The following PKD1L3 variants were observed in gnomAD, a reference collection of about 807,000 sequenced individuals.
PKD1L3 encodes the protein polycystin-1-like protein 3.
PKD1L3 carries 239 observed loss-of-function variants against 184.1 expected under a neutral mutation model. The ratio of observed to expected loss-of-function variants is 1.30; its 90% CI spans 1.17 to 1.45. The LOEUF (loss-of-function observed/expected upper bound fraction) is 1.45, where lower values mean the gene tolerates loss of function less well. Among genes scored for constraint, PKD1L3 ranks in the 40% most tolerant of loss-of-function variants. The pLI is 0.00. For synonymous variants in PKD1L3, 996 were observed against 778.8 expected, an observed-to-expected ratio of 1.28 and a Z score of -4.64; for missense variants, 2,660 against 2,067.2, an observed-to-expected ratio of 1.29 and a Z score of -5.56.
At position 71,977,084 on chromosome 16, in the gene PKD1L3, G is replaced by A. The variant is rs1222197479; in HGVS notation, c.1759+152C>T. 1.1e-4 allele frequency among the ~76,000 whole-genome samples: 16 copies of A among 152,264 alleles called. No homozygotes were observed. In the East Asian group the frequency reaches 2.1e-3, roughly 20 times the overall value. On this transcript the variant is annotated intron_variant, in intron 11 of 29. Transcript: ENST00000620267. ...AGAAATTAGCCAGATGTGGTGGTGC[G>A]CACTTGTAGTCCCAGCTACTTAAGA...
Position 71,950,187 on chromosome 16 carries a change from G to A in PKD1L3, c.3314C>T (p.Ala1105Val). The A allele has an allele frequency of 6.4e-7, 1 of 1,552,290 alleles. No individual in the cohort carries two copies. Among genetic ancestry groups the A allele is most frequent in the Non-Finnish European group, 8.7e-7 (1 of 1,147,114 alleles). ...GHQSCDFLDA[A>V]SQLQKLQELL... Reference sequence around the variant, plus strand: ...TTCCTGGAGTTTTTGAAGTTGGCTGGCTGCATCTAGGAAGTCACAGGACTG... The same window carrying A: ...TTCCTGGAGTTTTTGAAGTTGGCTGACTGCATCTAGGAAGTCACAGGACTG... The change falls in exon 20 of 30, where the codon GCC becomes GTC. Residue 1105 changes from alanine to valine, a missense_variant. By Grantham distance (64) the Ala-to-Val change is moderately conservative (BLOSUM62 0). Coordinates refer to ENST00000620267, the MANE Select transcript of PKD1L3 (RefSeq NM_181536.2).
intron 15 of PKD1L3, among the ~76,000 whole-genome samples, chr16:71,965,388 T>G (rs1280685120): frequency 6.6e-6 from 1 of 152,132 alleles, no homozygotes. Flanking sequence ...TTATCTTGGG[T>G]AAATACCTAT....
chr16:71,965,968 A>C (rs1225789148), intron 15 of PKD1L3, among the ~76,000 whole-genome samples: 3 of 151,806 alleles, frequency 2.0e-5, no homozygotes, highest in Non-Finnish European at 4.4e-5. Context: ...TACATTATTC[A>C]CTTTTTTAAA....
rs1168992614 is a variant in PKD1L3 at position 71,999,769 on chromosome 16, GATGAGATCTTGAACTTCCTTGTTCCAAAT to G, written c.181_209del (p.Ile61ProfsTer71). On this transcript the variant is annotated frameshift_variant, in exon 1 of 30. Transcript: ENST00000620267. LOFTEE classifies it high-confidence loss of function. ...TCTTTCCTTCTTCCAGATAGTCCCG[GATGAGATCTTGAACTTCCTTGTTCCAAAT>G]ATGAGCTAGGAATCCTCTCTGCACA... is the stretch of plus-strand genomic sequence containing the variant. The G allele has an allele frequency of 3.9e-6, 6 of 1,551,740 alleles. No homozygotes were observed. In the East Asian group the frequency reaches 1.5e-4, roughly 38 times the overall value.
chr16:71,950,896 C>A (rs556548998), intron 19 of PKD1L3, among the ~76,000 whole-genome samples: 1 of 151,100 alleles, frequency 6.6e-6, no homozygotes, highest in African/African-American at 2.4e-5. Context: ...CCATGACCAG[C>A]TAATTTTTTT....
At chr16:71,998,557 T>G (rs1284120278) in intron 1 of PKD1L3, among the ~76,000 whole-genome samples, 163 bp from the exon 2 acceptor site, 2 of 152,118 alleles carry the variant, frequency 1.3e-5, no homozygotes, top group Non-Finnish European at 2.9e-5. Context: ...TTCCAGTAAT[T>G]CTCCTGCCTC....
intron 3 of PKD1L3, among the ~76,000 whole-genome samples, chr16:71,991,835 G>A (rs532962555): frequency 6.6e-6 from 1 of 152,158 alleles, no homozygotes; most frequent in Non-Finnish European, 1.5e-5. Context: ...ACTTTTACAA[G>A]CAATCTGATA....
rs774407209 is a variant in PKD1L3 at position 71,984,035 on chromosome 16, C to A, written c.966+1G>T. The A allele has an allele frequency of 1.9e-6, 3 of 1,551,952 alleles. No individual in the cohort carries two copies. The highest frequency in any genetic ancestry group is 1.7e-6 in the Non-Finnish European group (2 of 1,146,880). ...TTCCCTCCCAGTCACCCTCCACTTA[C>A]CTGAGCTGGCTTAGAAAATCTTGGG... On this transcript the variant is annotated splice_donor_variant, in intron 6 of 29. Coordinates refer to ENST00000620267, the MANE Select transcript of PKD1L3 (RefSeq NM_181536.2). LOFTEE classifies it high-confidence loss of function.
intron 11 of PKD1L3, among the ~76,000 whole-genome samples, chr16:71,975,039 C>A (rs2039866759): frequency 6.6e-6 from 1 of 151,954 alleles, no homozygotes; most frequent in Admixed American, 6.6e-5. Flanking sequence ...TATATCTGGG[C>A]ACTATTTATA....
At chr16:71,977,206 G>A in intron 11 of PKD1L3, 30 bp downstream of exon 11, 4 of 1,450,216 alleles carry the variant, frequency 2.8e-6, no homozygotes, top group Non-Finnish European at 2.8e-6. Context: ...AGAAATCAAA[G>A]TAAGTTTCTG....
chr16:71,974,426 T>A (rs2039842366), intron 11 of PKD1L3, among the ~76,000 whole-genome samples: 1 of 152,096 alleles, frequency 6.6e-6, no homozygotes, highest in Admixed American at 6.5e-5. Context: ...AGGCCTATAA[T>A]CCAAGCACTT....
chr16:71,983,669 T>TTTTC (rs2040248629), intron 6 of PKD1L3, among the ~76,000 whole-genome samples: 1 of 128,304 alleles, frequency 7.8e-6, no homozygotes, highest in Non-Finnish European at 1.7e-5. Flanking sequence ...CTTTCTTTTT[T>TTTTC]TTTTTTTTTT....
chr16:71,963,892 G>C (rs375004443), intron 15 of PKD1L3, among the ~76,000 whole-genome samples: 4 of 152,110 alleles, frequency 2.6e-5, no homozygotes, highest in Non-Finnish European at 4.4e-5. Context: ...GAATAGATAA[G>C]TATGTATCTA....
At chr16:71,940,290 T>C (rs1180167391) in intron 24 of PKD1L3, among the ~76,000 whole-genome samples, 2 of 152,044 alleles carry the variant, frequency 1.3e-5, no homozygotes, top group Non-Finnish European at 2.9e-5. Context: ...AGAGTAATGG[T>C]TTACTGGAAA....
At position 71,950,195 on chromosome 16, in the gene PKD1L3, T is replaced by C. The variant is rs1597305082; in HGVS notation, c.3306A>G (p.Leu1102=). Residue 1102 remains leucine, a synonymous_variant, in exon 20 of 30, where the codon CTA becomes CTG. Transcript: ENST00000620267. ...LTQGHQSCDF[L]DAASQLQKLQ... ...GTTTTTGAAGTTGGCTGGCTGCATC[T>C]AGGAAGTCACAGGACTGGTGACCCT... 4 of 1,552,240 alleles carry C rather than the reference T, an allele frequency of 2.6e-6. No homozygotes were observed. In the East Asian group the frequency reaches 7.3e-5, roughly 28 times the overall value.
Position 71,937,369 on chromosome 16 carries a change from A to G in PKD1L3, c.4375T>C (p.Ser1459Pro). Residue 1459 changes from serine to proline, a missense_variant, in exon 25 of 30, where the codon TCA (serine) becomes CCA (proline). Physicochemically the swap from Ser to Pro is moderately conservative, Grantham distance 74. Transcript: ENST00000620267. Reference protein sequence around the residue: ...RLESFTSLQMSKKGCVWSIIS... With the variant: ...RLESFTSLQMPKKGCVWSIIS... ...ATAGACCAGACACAGCCCTTCTTTG[A>G]CATCTGAAGGGAAGTGAAGCTTTCC... The G allele has an allele frequency of 6.4e-7, 1 of 1,551,558 alleles. No individual in the cohort carries two copies. The highest frequency in any genetic ancestry group is 8.7e-7 in the Non-Finnish European group (1 of 1,146,834).
intron 21 of PKD1L3, among the ~76,000 whole-genome samples, chr16:71,947,806 C>G (rs1170433775): frequency 6.6e-6 from 1 of 152,112 alleles, no homozygotes; most frequent in Non-Finnish European, 1.5e-5. Flanking sequence ...ATATTTTTTG[C>G]TTATAGTTCT....
intron 4 of PKD1L3, among the ~76,000 whole-genome samples, chr16:71,988,592 A>G (rs2040470231): frequency 6.6e-6 from 1 of 152,190 alleles, no homozygotes; most frequent in Non-Finnish European, 1.5e-5. Context: ...CCTGTGAAAG[A>G]CTGCAAAGTC....
intron 10 of PKD1L3, among the ~76,000 whole-genome samples, chr16:71,977,963 G>A (rs1489189822): frequency 1.3e-5 from 2 of 151,974 alleles, no homozygotes; most frequent in South Asian, 2.1e-4. Flanking sequence ...TAGTAGAGAT[G>A]GGGTTTCACT....
Sources: gnomAD v4.1 joint callset for allele counts (sites outside exome capture counted in the v4.1 genomes callset) on GRCh38, gnomAD v4.1.1 for gene constraint, MANE v1.5 for transcripts, NCBI Gene and HGNC (gene_info 2026-07-23, HGNC 2026-07-21) for gene names.